HMCN1: variants seen among roughly 807,000 people sequenced by gnomAD.
HMCN1 encodes hemicentin-1.
In HMCN1, 321 loss-of-function variants were observed where a neutral mutation model predicts 625.9. That is an observed-to-expected ratio of 0.51 (90% confidence interval 0.47 to 0.56). The LOEUF (loss-of-function observed/expected upper bound fraction) is 0.56. Among genes scored for constraint, HMCN1 ranks in the 20% least tolerant of loss-of-function variants. The pLI, the probability that HMCN1 is intolerant of heterozygous loss-of-function variation, is 0.00. For synonymous variants in HMCN1, 2,425 were observed against 2,417.6 expected, an observed-to-expected ratio of 1.00 and a Z score of -0.09; for missense variants, 6,588 against 6,887.3, an observed-to-expected ratio of 0.96 and a Z score of 1.54.
At chr1:186,027,998 G>A (rs906420358) in intron 36 of HMCN1, among the ~76,000 whole-genome samples, 2 of 151,836 alleles carry the variant, frequency 1.3e-5, no homozygotes, top group African/African-American at 2.4e-5. Context: ...GGGTAACTTC[G>A]GTTCAAGACT....
At chr1:185,761,951 C>T (rs1041192254) in intron 1 of HMCN1, among the ~76,000 whole-genome samples, 18 of 152,118 alleles carry the variant, frequency 1.2e-4, no homozygotes, top group Non-Finnish European at 1.6e-4. Context: ...TGGTATCCAT[C>T]TTTAAAACTG....
At chr1:185,898,977 A>G (rs189994867) in intron 4 of HMCN1, among the ~76,000 whole-genome samples, 77 of 152,134 alleles carry the variant, frequency 5.1e-4, no homozygotes, top group African/African-American at 1.8e-3. Flanking sequence ...ATGGAGGTGA[A>G]TGGAGATTGA....
At chr1:185,937,462 C>T (rs1030454296) in intron 11 of HMCN1, among the ~76,000 whole-genome samples, 16 of 152,188 alleles carry the variant, frequency 1.1e-4, no homozygotes, top group African/African-American at 3.9e-4. Flanking sequence ...GAGACCTAAA[C>T]ATCTCCCATG....
chr1:186,184,101 A>C (rs1653124392), intron 105 of HMCN1, among the ~76,000 whole-genome samples: 1 of 152,190 alleles, frequency 6.6e-6, no homozygotes, highest in South Asian at 2.1e-4. Context: ...TTAGTTCAAA[A>C]CGTTCTTCAG....
At chr1:186,158,748 A>G (rs1651217292) in intron 97 of HMCN1, among the ~76,000 whole-genome samples, 1 of 152,078 alleles carries the variant, frequency 6.6e-6, no homozygotes. Flanking sequence ...ATAGTTGTAG[A>G]TATGTGGCAT....
At chr1:186,154,473 G>A (rs921122600) in intron 97 of HMCN1, among the ~76,000 whole-genome samples, 1 of 152,116 alleles carries the variant, frequency 6.6e-6, no homozygotes, top group Non-Finnish European at 1.5e-5. Context: ...AGTGAGCCGA[G>A]ATCACGCCAC....
At position 186,166,864 on chromosome 1, in the gene HMCN1, A is replaced by G. The variant is rs751628144; in HGVS notation, c.15496A>G (p.Asn5166Asp). Residue 5166 changes from asparagine to aspartate, a missense_variant, in exon 100 of 107, where the codon AAT (asparagine) becomes GAT (aspartate). By Grantham distance (23) the Asn-to-Asp change is conservative (BLOSUM62 1). Around this residue, in one of 3 missense-constraint regions of HMCN1, gnomAD observed 1,954 missense variants for 2,013.1 expected, o/e 0.97. Transcript: ENST00000271588. ...HTCHAGQDCD[N>D]TIGSYRCVVR... ...CTGCCACGCTGGTCAGGACTGTGAC[A>G]ATACGATTGGATCTTATCGCTGTGT... The G allele has an allele frequency of 3.1e-6, 5 of 1,614,076 alleles. No homozygotes were observed. The East Asian group carries it at 1.1e-4, about 36-fold the overall frequency.
intron 35 of HMCN1, among the ~76,000 whole-genome samples, chr1:186,020,184 G>A (rs1049240111): frequency 2.0e-5 from 3 of 151,814 alleles, no homozygotes; most frequent in Non-Finnish European, 4.4e-5. Flanking sequence ...AGTGAGTATA[G>A]TCCCTGGCAT....
intron 68 of HMCN1, among the ~76,000 whole-genome samples, chr1:186,096,316 A>C (rs1660136159): frequency 6.6e-6 from 1 of 152,138 alleles, no homozygotes; most frequent in African/African-American, 2.4e-5. Flanking sequence ...ATTCTGCTTC[A>C]TCCCTAGTTA....
chr1:185,821,887 TAA>T (rs112180883), intron 1 of HMCN1, among the ~76,000 whole-genome samples: 76 of 126,660 alleles, frequency 6.0e-4, no homozygotes, highest in Admixed American at 6.5e-4. Flanking sequence ...TGCTTTGCTT[TAA>T]AAAAAAAAAA....
intron 4 of HMCN1, among the ~76,000 whole-genome samples, chr1:185,906,654 G>A (rs1951515): frequency 0.071 from 10,782 of 151,578 alleles, 1,340 homozygotes; most frequent in African/African-American, 0.25. Context: ...ATTTAATGAA[G>A]GATGTATGTA....
chr1:185,751,275 GTAGTT>G (rs1425644038), intron 1 of HMCN1, among the ~76,000 whole-genome samples: 2 of 152,074 alleles, frequency 1.3e-5, no homozygotes, highest in East Asian at 1.9e-4. Context: ...TTCTTGATTA[GTAGTT>G]TAGTTAAGTA....
chr1:185,926,862 C>T (rs151182088), intron 9 of HMCN1, among the ~76,000 whole-genome samples: 76 of 152,268 alleles, frequency 5.0e-4, no homozygotes, highest in East Asian at 2.9e-3. Context: ...TTTTATTTGA[C>T]GTGTTCTTTT....
chr1:186,086,286 C>T lies in HMCN1; in HGVS notation c.8925C>T (p.Thr2975=), dbSNP rs768922365. Residue 2975 remains threonine (T), a synonymous_variant, in exon 58 of 107, where the codon ACC becomes ACT. Transcript: ENST00000271588. ...TTGGTCCTAAATCTGAAAATCTTACCGTCGTGGTGAACAATTTCATCTCTT... is the reference window on the plus strand; with the variant it reads ...TTGGTCCTAAATCTGAAAATCTTACTGTCGTGGTGAACAATTTCATCTCTT... ...SVIGPKSENL[T]VVVNNFISLT... The T allele has an allele frequency of 3.5e-5, 57 of 1,612,820 alleles. No homozygotes were observed. Among genetic ancestry groups the T allele is most frequent in the East Asian group, 2.7e-4 (12 of 44,832 alleles).
intron 1 of HMCN1, among the ~76,000 whole-genome samples, chr1:185,829,146 C>CA (rs372760166): frequency 6.8e-4 from 103 of 152,092 alleles, no homozygotes; most frequent in African/African-American, 2.4e-3. Flanking sequence ...TCAAGGTGAA[C>CA]AATTTGAAAA....
chr1:186,095,773 T>C (rs182298220), intron 68 of HMCN1, among the ~76,000 whole-genome samples: 8 of 152,300 alleles, frequency 5.3e-5, no homozygotes, highest in Admixed American at 2.6e-4. Flanking sequence ...GATAAAACCT[T>C]ATAACCAATT....
In HMCN1 at chr1:186,125,803, A is replaced by C. The variant is rs1306117454; in HGVS notation, c.12690+9A>C. ...TTTTAGAAAATGTTGTGGTAAGTTT[A>C]ATGGACGTGAACAGATACATTAAGC... On this transcript the variant is annotated intron_variant, in intron 82 of 106. Coordinates refer to ENST00000271588, the MANE Select transcript of HMCN1 (RefSeq NM_031935.3). The C allele has an allele frequency of 6.2e-7, 1 of 1,606,794 alleles. No individual in the cohort carries two copies. The highest frequency in any genetic ancestry group is 8.5e-7 in the Non-Finnish European group (1 of 1,173,688).
chr1:185,905,625 T>C (rs373161455), intron 4 of HMCN1, among the ~76,000 whole-genome samples: 1 of 151,852 alleles, frequency 6.6e-6, no homozygotes, highest in South Asian at 2.1e-4. Context: ...TTCACTTCTA[T>C]TCCTAATGTC....
chr1:185,808,207 T>G (rs1165680582), intron 1 of HMCN1, among the ~76,000 whole-genome samples: 5 of 151,890 alleles, frequency 3.3e-5, no homozygotes, highest in Admixed American at 3.3e-4. Flanking sequence ...ATTAGCCAAG[T>G]GTGGTGGTGT....
Sources: allele counts gnomAD v4.1 joint callset (sites outside exome capture counted in the v4.1 genomes callset), GRCh38; gene constraint gnomAD v4.1.1; regional missense constraint gnomAD v4.1.1; transcripts MANE v1.5; gene names NCBI Gene and HGNC (gene_info 2026-07-23, HGNC 2026-07-21).